Variants in RASGRP3 observed in about 807,000 individuals in gnomAD.
RASGRP3 encodes the protein RAS guanyl releasing protein 3, also known as ras guanyl-releasing protein 3.
In RASGRP3, 54 loss-of-function variants were observed where a neutral mutation model predicts 82.7. That is an observed-to-expected ratio of 0.65 (90% CI 0.52 to 0.82). The LOEUF (loss-of-function observed/expected upper bound fraction) is 0.82, where lower values mean the gene tolerates loss of function less well. RASGRP3 is among the 40% of genes least tolerant of loss of function. RASGRP3 has a pLI of 0.00. For synonymous variants in RASGRP3, 309 were observed against 300.5 expected (o/e 1.03, Z -0.29); for missense variants, 861 against 828.9 (o/e 1.04, Z -0.48).
At chr2:33,481,596 A>G (rs1436489558) in intron 1 of RASGRP3, 1 of 152,260 alleles carries the variant, frequency 6.6e-6, no homozygotes, top group African/African-American at 2.4e-5. Context: ...GAGTGACTGG[A>G]TAACCGATTT....
intron 2 of RASGRP3, among the ~76,000 whole-genome samples, chr2:33,457,211 C>G (rs1666088828): frequency 6.6e-6 from 1 of 151,994 alleles, no homozygotes; most frequent in South Asian, 2.1e-4. Context: ...CCATTGTTTT[C>G]TTCATTGTTT....
At chr2:33,547,125 G>A (rs1674856772) in intron 13 of RASGRP3, among the ~76,000 whole-genome samples, 1 of 150,644 alleles carries the variant, frequency 6.6e-6, no homozygotes, top group Admixed American at 6.6e-5. Flanking sequence ...TGGAAGTGGA[G>A]GCTATCATCC....
rs1676246624 is a variant in RASGRP3, at chr2:33,558,312, C to A, written c.1681C>A (p.Pro561Thr). The A allele has an allele frequency of 4.3e-6, 7 of 1,613,518 alleles. No homozygotes were observed. The highest frequency in any genetic ancestry group is 5.1e-6 in the Non-Finnish European group (6 of 1,179,878). ...CTTGAGCAGTGGTCATGGGTCACTGCCTGGAAGCCCCTCGCTGCCCCCAGG... is the reference window on the plus strand; with the variant it reads ...CTTGAGCAGTGGTCATGGGTCACTGACTGGAAGCCCCTCGCTGCCCCCAGG... ...PSLSSGHGSL[P>T]GSPSLPPAQD... Residue 561 changes from proline to threonine, a missense_variant, in exon 16 of 18, where the codon CCT becomes ACT. Transcript: ENST00000403687.
At chr2:33,486,803 A>G (rs1301784223) in intron 1 of RASGRP3, among the ~76,000 whole-genome samples, 1 of 152,194 alleles carries the variant, frequency 6.6e-6, no homozygotes, top group Non-Finnish European at 1.5e-5. Flanking sequence ...TCCAGGACTA[A>G]TGTGTAACTT....
intron 2 of RASGRP3, among the ~76,000 whole-genome samples, chr2:33,468,644 C>A (rs1044056603): frequency 3.9e-5 from 6 of 152,156 alleles, no homozygotes. Flanking sequence ...TCGTGATCCA[C>A]CTGCCTCGGC....
At chr2:33,536,528 G>A (rs12476217) in intron 11 of RASGRP3, among the ~76,000 whole-genome samples, 16,780 of 151,354 alleles carry the variant, frequency 0.11, 930 homozygotes, top group Admixed American at 0.14. Flanking sequence ...TGCCTTGTGT[G>A]CCTTTAGTTT....
At chr2:33,491,775 C>T (rs1668864587) in intron 1 of RASGRP3, among the ~76,000 whole-genome samples, 1 of 152,244 alleles carries the variant, frequency 6.6e-6, no homozygotes, top group Non-Finnish European at 1.5e-5. Context: ...GTCTATGCAG[C>T]CTCGCAGCCA....
chr2:33,520,655 A>G lies in RASGRP3; in HGVS notation c.339A>G (p.Lys113=). 6.2e-7 allele frequency: 1 copy of G among 1,613,922 alleles called. No individual in the cohort carries two copies. Among genetic ancestry groups the G allele is most frequent in the Non-Finnish European group, 8.5e-7 (1 of 1,179,846 alleles). Residue 113 remains lysine (K), a synonymous_variant, in exon 6 of 18, where the codon AAA becomes AAG. Transcript: ENST00000403687. ...TAGCTAGTCAACTAGGATATGAAAA[A>G]CACGTCAGCCTCATCGACATATCCA... ...REVASQLGYE[K]HVSLIDISSI...
At chr2:33,529,771 G>T (rs1047809473) in intron 10 of RASGRP3, among the ~76,000 whole-genome samples, 2 of 151,924 alleles carry the variant, frequency 1.3e-5, no homozygotes, top group Non-Finnish European at 2.9e-5. Context: ...TTAAACAAGG[G>T]TTTTATGCTC....
intron 2 of RASGRP3, among the ~76,000 whole-genome samples, chr2:33,452,518 G>A (rs142459155): frequency 1.7e-4 from 26 of 152,266 alleles, no homozygotes; most frequent in South Asian, 4.2e-4. Flanking sequence ...GGTGGGCCTC[G>A]ATTCTGGGTT....
chr2:33,538,899 C>T (rs749871434), intron 11 of RASGRP3, among the ~76,000 whole-genome samples, 195 bp from the exon 12 acceptor site: 22 of 151,984 alleles, frequency 1.4e-4, no homozygotes, highest in South Asian at 2.1e-4. Context: ...ATTAGCTGGG[C>T]GTGGTGGCAC....
At chr2:33,490,813 C>G (rs1310595013) in intron 1 of RASGRP3, among the ~76,000 whole-genome samples, 1 of 152,140 alleles carries the variant, frequency 6.6e-6, no homozygotes, top group Non-Finnish European at 1.5e-5. Context: ...AACTGCAACT[C>G]AAGATCCACA....
At chr2:33,520,530 C>T (rs1671922478) in intron 5 of RASGRP3, 23 bp from the exon 6 acceptor site, 1 of 1,611,514 alleles carries the variant, frequency 6.2e-7, no homozygotes, top group African/African-American at 1.3e-5. Context: ...TTCCAGCTGC[C>T]AAAAATATTT....
At chr2:33,542,286 A>T (rs1364145358) in intron 12 of RASGRP3, among the ~76,000 whole-genome samples, 2 of 145,654 alleles carry the variant, frequency 1.4e-5, no homozygotes, top group Non-Finnish European at 3.1e-5. Flanking sequence ...TTGTTTCAGG[A>T]CTCCACTCTC....
rs550838780 is a variant in RASGRP3, at chr2:33,554,544, C to G, written c.1543-987C>G. On this transcript the variant is annotated intron_variant, in intron 14 of 17. Transcript: ENST00000403687. ...CTGGAGTGCAGTGGTGCGGTCTCAG[C>G]TCACTGCAAGCTCCGCCTCCTGAGT... Among the ~76,000 whole-genome samples the G allele has an allele frequency of 2.6e-5, 4 of 152,072 alleles. No homozygotes were observed. The South Asian group carries it at 6.3e-4, about 24-fold the overall frequency.
At position 33,562,881 on chromosome 2, in the gene RASGRP3, T is replaced by C; in HGVS notation, c.*144T>C. 2.8e-6 allele frequency: 3 copies of C among 1,078,546 alleles called. No homozygotes were observed. The highest frequency in any genetic ancestry group is 4.1e-6 in the Non-Finnish European group (3 of 737,918). 66.8% of individuals were successfully genotyped at this position (1,078,546 alleles called of 1,614,324 possible). On this transcript the variant is annotated 3_prime_UTR_variant, in exon 18 of 18. Coordinates refer to ENST00000403687, the MANE Select transcript of RASGRP3 (RefSeq NM_001139488.2). ...GCCTTGGGACACTGTGGGATCTCCA[T>C]GTTTGGACTATGGGACAGAGAATTG... is the stretch of plus-strand genomic sequence containing the variant.
rs997353838 is a variant in RASGRP3, at chr2:33,443,638, T to C, written c.-384-4182T>C. ...ATACATACCTGTAATCCCAACAATT[T>C]GGGTGGCAGAGGCTGGAAGATCACT... On this transcript the variant is annotated intron_variant, in intron 1 of 18. Transcript: ENST00000402538. Among the ~76,000 whole-genome samples, 5 of 150,092 alleles carry C rather than the reference T, an allele frequency of 3.3e-5. No individual in the cohort carries two copies. The South Asian group carries it at 1.0e-3, about 31-fold the overall frequency.
At chr2:33,502,934 T>A (rs1670013097) in intron 1 of RASGRP3, among the ~76,000 whole-genome samples, 1 of 152,316 alleles carries the variant, frequency 6.6e-6, no homozygotes, top group African/African-American at 2.4e-5. Context: ...AAACCCTAGT[T>A]TCTCAGAGTT....
chr2:33,461,551 T>C (rs2150899507), intron 2 of RASGRP3, among the ~76,000 whole-genome samples: 1 of 152,376 alleles, frequency 6.6e-6, no homozygotes, highest in Non-Finnish European at 1.5e-5. Flanking sequence ...GTGCTGGGAT[T>C]GCAGGCGTGA....
Sources: gnomAD v4.1 joint callset for allele counts (sites outside exome capture counted in the v4.1 genomes callset) on GRCh38, gnomAD v4.1.1 for gene constraint, MANE v1.5 for transcripts, NCBI Gene and HGNC (gene_info 2026-07-23, HGNC 2026-07-21) for gene names.